Variants in ZNF518B observed in about 807,000 individuals in gnomAD.
ZNF518B encodes the protein zinc finger protein 518B.
ZNF518B carries 23 observed loss-of-function variants against 56.3 expected under a neutral mutation model. That is an observed-to-expected ratio of 0.41 (90% CI 0.29 to 0.58). The LOEUF (loss-of-function observed/expected upper bound fraction) is 0.58, where lower values mean the gene tolerates loss of function less well. ZNF518B is among the 20% of genes least tolerant of loss of function. ZNF518B has a pLI of 0.32. For missense variants in ZNF518B, 1,460 were observed against 1,272.1 expected (o/e 1.15, Z -2.25); for synonymous variants, 529 against 465.9 (o/e 1.14, Z -1.74).
At position 10,444,580 on chromosome 4, in the gene ZNF518B, AACT is replaced by A; in HGVS notation, c.1746_1748del (p.Val583del). 6.2e-7 allele frequency: 1 copy of A among 1,614,142 alleles called. No homozygotes were observed. ...GAGAGGAAATCTGGCCTACAGTTGAAACTGCCTTGTGTTCCTCTGTCTGGTTAT... is the reference window on the plus strand; with the variant it reads ...GAGAGGAAATCTGGCCTACAGTTGAAGCCTTGTGTTCCTCTGTCTGGTTAT... On this transcript the variant is annotated inframe_deletion, in exon 3 of 3. Coordinates refer to ENST00000326756, the MANE Select transcript of ZNF518B (RefSeq NM_053042.3).
Position 10,444,881 on chromosome 4 carries a change from C to T in ZNF518B, c.1448G>A (p.Gly483Asp), listed in dbSNP as rs1228734215. The T allele has an allele frequency of 1.2e-6, 2 of 1,613,264 alleles. No homozygotes were observed. Among genetic ancestry groups the T allele is most frequent in the Admixed American group, 3.3e-5 (2 of 59,792 alleles). ...TTTAAATACAGATGCTAGAGAATGACCTTTTAAGGCAACGGAAGGAAAAGC... is the reference window on the plus strand; with the variant it reads ...TTTAAATACAGATGCTAGAGAATGATCTTTTAAGGCAACGGAAGGAAAAGC... The part of the protein sequence containing the change: ...RTAFPSVALK[G>D]HSLASVFKNS... The change falls in exon 3 of 3, where the codon GGT (glycine) becomes GAT (aspartate). Residue 483 changes from glycine (G) to aspartate (D), a missense_variant. Coordinates refer to ENST00000326756, the MANE Select transcript of ZNF518B (RefSeq NM_053042.3).
chr4:10,449,195 C>T (rs1352383092), intron 2 of ZNF518B, among the ~76,000 whole-genome samples: 1 of 152,184 alleles, frequency 6.6e-6, no homozygotes, highest in Non-Finnish European at 1.5e-5. Flanking sequence ...CCAGCGTTCT[C>T]AACTTGGAAA....
At chr4:10,453,721 T>C (rs566743766) in intron 2 of ZNF518B, 3 of 152,342 alleles carry the variant, frequency 2.0e-5, no homozygotes, top group African/African-American at 7.2e-5. Flanking sequence ...ATGAGACGTA[T>C]ATTTTCACAT....
chr4:10,460,222 T>C (rs536248438), upstream of ZNF518B, among the ~76,000 whole-genome samples: 297 of 128,614 alleles, frequency 2.3e-3, 1 homozygote, highest in Middle Eastern at 4.3e-3. Flanking sequence ...CGAGAATTGC[T>C]TGAACCCAAG....
intron 1 of ZNF518B, among the ~76,000 whole-genome samples, chr4:10,455,327 A>C (rs1487302383): frequency 6.6e-6 from 1 of 152,192 alleles, no homozygotes; most frequent in Non-Finnish European, 1.5e-5. Context: ...CAGTTAGCTG[A>C]GTTTGCATAA....
intron 1 of ZNF518B, among the ~76,000 whole-genome samples, chr4:10,456,392 A>T (rs2108998796): frequency 6.6e-6 from 1 of 152,258 alleles, no homozygotes; most frequent in Non-Finnish European, 1.5e-5. Flanking sequence ...CAGAGCCCCA[A>T]ACCCCAAAGA....
In ZNF518B at chr4:10,440,070, T is replaced by C. The variant is rs1714603575; in HGVS notation, c.*3034A>G. 6.6e-6 allele frequency: 1 copy of C among 152,586 alleles called. No individual in the cohort carries two copies. The highest frequency in any genetic ancestry group is 2.1e-4 in the South Asian group (1 of 4,836). 9.5% of individuals were successfully genotyped at this position (152,586 alleles called of 1,614,324 possible). On this transcript the variant is annotated 3_prime_UTR_variant, in exon 3 of 3. Transcript: ENST00000326756. ...ATATAGACATTTACAGATTTAAAAA[T>C]TATTCCAAAGGCCGAGCAACATCAC...
In ZNF518B at chr4:10,447,647, C is replaced by CTTTT. The variant is rs10675116; in HGVS notation, c.-211-1112_-211-1109dup. On this transcript the variant is annotated intron_variant, in intron 2 of 2. Coordinates refer to ENST00000326756, the MANE Select transcript of ZNF518B (RefSeq NM_053042.3). ...AGCACTCCAATATACACAGAGTGACCTTTTTTTTTTTTTTTTTTTGAGACA... is the reference window on the plus strand; with the variant it reads ...AGCACTCCAATATACACAGAGTGACCTTTTTTTTTTTTTTTTTTTTTTTGAGACA... Among the ~76,000 whole-genome samples the CTTTT allele has an allele frequency of 5.4e-4, 65 of 121,366 alleles. 1 individual carries two copies. The East Asian group carries it at 8.4e-3, about 16-fold the overall frequency. 79.6% of individuals were successfully genotyped at this position (121,366 alleles called of 152,430 possible). A position where few individuals can be genotyped will look rare whatever the true frequency, so the allele number is the denominator to read the frequency against.
chr4:10,452,033 C>CTG (rs1411963945), intron 2 of ZNF518B: 1 of 152,222 alleles, frequency 6.6e-6, no homozygotes, highest in African/African-American at 2.4e-5. Context: ...TGTTAGTTGA[C>CTG]TGTGACTGCA....
rs1714680017 is a variant in ZNF518B, at chr4:10,441,494, G to T, written c.*1610C>A. 1 of 151,160 alleles carries T rather than the reference G, an allele frequency of 6.6e-6. No individual in the cohort carries two copies. Among genetic ancestry groups the T allele is most frequent in the African/African-American group, 2.4e-5 (1 of 40,904 alleles). The allele number at this position is 151,160 out of a possible 1,614,324, so 9.4% of individuals were successfully genotyped here. A position where few individuals can be genotyped will look rare whatever the true frequency, so the allele number is the denominator to read the frequency against. ...ATCGACTACCCAATAAACAATCACT[G>T]GTGTCTTTTTCAGGTGCAACAACTC... is the stretch of plus-strand genomic sequence containing the variant. On this transcript the variant is annotated 3_prime_UTR_variant, in exon 3 of 3. Transcript: ENST00000326756.
Position 10,446,365 on chromosome 4 carries a change from A to G in ZNF518B, c.-37T>C, listed in dbSNP as rs1378252631. The G allele has an allele frequency of 6.3e-7, 1 of 1,578,128 alleles. No individual in the cohort carries two copies. The highest frequency in any genetic ancestry group is 8.7e-7 in the Non-Finnish European group (1 of 1,155,804). On this transcript the variant is annotated 5_prime_UTR_variant, in exon 3 of 3. Transcript: ENST00000326756. ...TTCTAAAAAGAGCCAACTAAAATTC[A>G]GAAAGTTTTCACATGATAAAATCCT...
At chr4:10,453,107 G>GA (rs1291635670) in intron 2 of ZNF518B, 1 of 152,238 alleles carries the variant, frequency 6.6e-6, no homozygotes, top group African/African-American at 2.4e-5. Context: ...ATCTGAGCCT[G>GA]AATGTTCTCA....
upstream of ZNF518B, among the ~76,000 whole-genome samples, chr4:10,458,294 TAC>T (rs1399878894): frequency 6.6e-6 from 1 of 152,008 alleles, no homozygotes; most frequent in Non-Finnish European, 1.5e-5. Flanking sequence ...CACTGGGAAG[TAC>T]AGTTTCTTCG....
At chr4:10,459,303 ATAGAAAC>A (rs1351698026), upstream of ZNF518B, among the ~76,000 whole-genome samples, 1 of 152,192 alleles carries the variant, frequency 6.6e-6, no homozygotes, top group Non-Finnish European at 1.5e-5. Flanking sequence ...TCAAGGAAAA[ATAGAAAC>A]TACTTCAGCA....
intron 1 of ZNF518B, among the ~76,000 whole-genome samples, chr4:10,456,550 C>A (rs1012148187): frequency 1.3e-5 from 2 of 152,156 alleles, no homozygotes; most frequent in Non-Finnish European, 2.9e-5. Context: ...ACGAGCCCAC[C>A]CCTGACCCTC....
chr4:10,447,151 G>A (rs1715093911), intron 2 of ZNF518B, among the ~76,000 whole-genome samples: 1 of 152,200 alleles, frequency 6.6e-6, no homozygotes, highest in South Asian at 2.1e-4. Context: ...CAAAAGTGCT[G>A]TAAGGTAGTG....
Position 10,443,554 on chromosome 4 carries a change from C to T in ZNF518B, c.2775G>A (p.Leu925=). Reference sequence around the variant, plus strand: ...TCAACTGATCTGGCTTAGCTGCTATCAGTCTTAGTTGCCTTGCAACCTGAA... The same window carrying T: ...TCAACTGATCTGGCTTAGCTGCTATTAGTCTTAGTTGCCTTGCAACCTGAA... ...SIFQVARQLR[L]IAAKPDQLIK... Residue 925 remains leucine, a synonymous_variant, in exon 3 of 3, where the codon CTG becomes CTA. Coordinates refer to ENST00000326756, the MANE Select transcript of ZNF518B (RefSeq NM_053042.3). 1.2e-6 allele frequency: 2 copies of T among 1,614,182 alleles called. No individual in the cohort carries two copies. The highest frequency in any genetic ancestry group is 2.7e-5 in the African/African-American group (2 of 75,068).
chr4:10,447,303 G>A (rs551050219), intron 2 of ZNF518B, among the ~76,000 whole-genome samples: 1 of 152,164 alleles, frequency 6.6e-6, no homozygotes, highest in African/African-American at 2.4e-5. Context: ...TGAGGTTGCG[G>A]GGCTGGGTGT....
Position 10,446,251 on chromosome 4 carries a change from CTGTT to C in ZNF518B, c.74_77del (p.Lys25SerfsTer29), listed in dbSNP as rs1560172090. ...GCCGAGGTGCTCCATTAGCATCAGG[CTGTT>C]TGGGTGACATGGTCAAGGAATTATG... On this transcript the variant is annotated frameshift_variant, in exon 3 of 3. Transcript: ENST00000326756. LOFTEE classifies it low-confidence loss of function (END_TRUNC). 4 of 1,614,190 alleles carry C rather than the reference CTGTT, an allele frequency of 2.5e-6. No individual in the cohort carries two copies. The highest frequency in any genetic ancestry group is 3.4e-6 in the Non-Finnish European group (4 of 1,180,046).
Sources: gnomAD v4.1 joint callset for allele counts (sites outside exome capture counted in the v4.1 genomes callset) on GRCh38, gnomAD v4.1.1 for gene constraint, MANE v1.5 for transcripts, NCBI Gene and HGNC (gene_info 2026-07-23, HGNC 2026-07-21) for gene names.